Variants in TOP6BL observed in about 807,000 individuals in gnomAD.
The protein encoded by TOP6BL is type 2 DNA topoisomerase 6 subunit B-like.
the TOP6BL span, among the ~76,000 whole-genome samples, chr11:66,797,549 C>T: frequency 2.0e-5 from 3 of 151,148 alleles, no homozygotes; most frequent in Non-Finnish European, 3.0e-5. Flanking sequence ...CTGTCACCCA[C>T]GCTGGAGTGC....
the TOP6BL span, among the ~76,000 whole-genome samples, chr11:66,834,187 G>C: frequency 6.6e-6 from 1 of 152,206 alleles, no homozygotes; most frequent in African/African-American, 2.4e-5. Context: ...CCATTTTACA[G>C]ATGAGGAAAC....
At chr11:66,761,636 G>A in the TOP6BL span, 103 of 1,211,548 alleles carry the variant, frequency 8.5e-5, no homozygotes, top group Middle Eastern at 2.1e-4. Context: ...CTGGTGCTCC[G>A]GGGCTGTGCG....
chr11:66,837,020 GTTCT>G, the TOP6BL span, among the ~76,000 whole-genome samples: 22 of 151,910 alleles, frequency 1.4e-4, no homozygotes, highest in African/African-American at 5.3e-4. Flanking sequence ...TTTAAAAAGA[GTTCT>G]TTAATTTGGG....
chr11:66,804,851 C>A, the TOP6BL span, among the ~76,000 whole-genome samples: 1 of 152,074 alleles, frequency 6.6e-6, no homozygotes, highest in African/African-American at 2.4e-5. Context: ...GCGGATGGAT[C>A]ACAAGGTCAG....
At chr11:66,805,989 A>G in the TOP6BL span, among the ~76,000 whole-genome samples, 2 of 151,494 alleles carry the variant, frequency 1.3e-5, no homozygotes, top group African/African-American at 2.5e-5. Context: ...TAGGAGATAA[A>G]GAAGATGAGT....
At chr11:66,757,437 G>C in the TOP6BL span, among the ~76,000 whole-genome samples, 3 of 152,148 alleles carry the variant, frequency 2.0e-5, no homozygotes, top group African/African-American at 7.2e-5. Context: ...CATTTATCCA[G>C]AATCACTTAA....
the TOP6BL span, among the ~76,000 whole-genome samples, chr11:66,775,149 A>G: frequency 6.6e-6 from 1 of 151,548 alleles, no homozygotes; most frequent in African/African-American, 2.4e-5. Flanking sequence ...CCACAAAAAA[A>G]TCTTGTTGTG....
the TOP6BL span, among the ~76,000 whole-genome samples, chr11:66,760,240 G>A: frequency 6.6e-6 from 1 of 150,686 alleles, no homozygotes; most frequent in Non-Finnish European, 1.5e-5. Context: ...ACCTAGGTCA[G>A]GAGTTCAAGA....
chr11:66,765,472 T>C, the TOP6BL span, among the ~76,000 whole-genome samples: 1 of 152,174 alleles, frequency 6.6e-6, no homozygotes, highest in South Asian at 2.1e-4. Flanking sequence ...TTGTTAGGGC[T>C]CTTAATATTA....
At chr11:66,823,483 A>G in the TOP6BL span, among the ~76,000 whole-genome samples, 2 of 152,134 alleles carry the variant, frequency 1.3e-5, no homozygotes, top group African/African-American at 4.8e-5. Flanking sequence ...GAGAAAACAA[A>G]TTATTTAAGA....
At chr11:66,831,718 G>A in the TOP6BL span, among the ~76,000 whole-genome samples, 8 of 152,106 alleles carry the variant, frequency 5.3e-5, no homozygotes, top group Non-Finnish European at 7.4e-5. Context: ...ATTTTCGGCC[G>A]GGTGCGGTGG....
the TOP6BL span, among the ~76,000 whole-genome samples, chr11:66,777,271 CT>C: frequency 1.2e-4 from 18 of 151,342 alleles, no homozygotes; most frequent in African/African-American, 3.6e-4. Flanking sequence ...TAGGTTTATT[CT>C]TTTTTTTCCC....
At chr11:66,802,702 A>C in the TOP6BL span, among the ~76,000 whole-genome samples, 1 of 152,174 alleles carries the variant, frequency 6.6e-6, no homozygotes, top group South Asian at 2.1e-4. Context: ...TGTGGTTCTT[A>C]GTCTGTTTTC....
the TOP6BL span, among the ~76,000 whole-genome samples, chr11:66,833,250 T>G: frequency 5.9e-5 from 9 of 151,974 alleles, no homozygotes; most frequent in Admixed American, 5.9e-4. Context: ...GGTTTTGCCA[T>G]GTTGGCCAGG....
the TOP6BL span, chr11:66,756,629 T>A: frequency 1.3e-6 from 1 of 741,352 alleles, no homozygotes; most frequent in African/African-American, 1.9e-5. Context: ...AGTAGAGACT[T>A]ATCTGTAAAA....
chr11:66,840,155 C>G, the TOP6BL span, among the ~76,000 whole-genome samples: 1 of 152,196 alleles, frequency 6.6e-6, no homozygotes, highest in Non-Finnish European at 1.5e-5. Flanking sequence ...TGAAGAAAAT[C>G]ACCAAACTGT....
the TOP6BL span, chr11:66,748,350 A>C: frequency 6.7e-7 from 1 of 1,485,564 alleles, no homozygotes. Context: ...AAAGAAGATT[A>C]TGTTTTCTTT....
chr11:66,790,468 A>G, the TOP6BL span, among the ~76,000 whole-genome samples: 1 of 152,168 alleles, frequency 6.6e-6, no homozygotes, highest in Non-Finnish European at 1.5e-5. Context: ...ATGAGACTGA[A>G]AAACAGATTT....
chr11:66,839,054 G>A, the TOP6BL span: 1 of 452,250 alleles, frequency 2.2e-6, no homozygotes, highest in Non-Finnish European at 4.5e-6. Flanking sequence ...CTCTTAATGT[G>A]TGTTATGGGA....
Sources: gnomAD v4.1 joint callset for allele counts (sites outside exome capture counted in the v4.1 genomes callset) on GRCh38, gnomAD v4.1.1 for gene constraint, MANE v1.5 for transcripts, NCBI Gene and HGNC (gene_info 2026-07-23, HGNC 2026-07-21) for gene names.